HTR2C: variants seen among roughly 807,000 people sequenced by gnomAD.
HTR2C encodes the protein 5-hydroxytryptamine receptor 2C.
Under a neutral mutation model 21.0 loss-of-function variants are expected in HTR2C, and 5 were observed. That is an observed-to-expected ratio of 0.24 (90% confidence interval 0.12 to 0.50). The LOEUF (loss-of-function observed/expected upper bound fraction) is 0.50, where lower values mean the gene tolerates loss of function less well. Ranked by LOEUF, HTR2C falls within the 20% of genes least tolerant of loss-of-function variation. HTR2C has a pLI of 0.98. For missense variants in HTR2C, 271 were observed against 371.2 expected, an observed-to-expected ratio of 0.73 and a Z score of 2.22; for synonymous variants, 150 against 145.3, an observed-to-expected ratio of 1.03 and a Z score of -0.23.
chrX:114,622,494 C>T (rs782107087), intron 2 of HTR2C, among the ~76,000 whole-genome samples: 4 of 111,623 alleles, frequency 3.6e-5, no homozygotes, highest in Non-Finnish European at 7.5e-5. Context: ...TTTCCCATCT[C>T]GTTCTCACCC....
chrX:114,779,739 T>C (rs1308553705), intron 4 of HTR2C, among the ~76,000 whole-genome samples: 1 of 112,197 alleles, frequency 8.9e-6, no homozygotes, highest in Non-Finnish European at 1.9e-5. Flanking sequence ...CTCAGATTCT[T>C]GTTATCTTTT....
In HTR2C at chrX:114,731,385, G is replaced by T. The variant is rs781924099; in HGVS notation, c.127G>T (p.Gly43Cys). 8.3e-7 allele frequency: 1 copy of T among 1,205,647 alleles called. No individual in the cohort carries two copies. The highest frequency in any genetic ancestry group is 1.1e-6 in the Non-Finnish European group (1 of 890,496). Residue 43 changes from glycine (G) to cysteine (C), a missense_variant, in exon 4 of 6, where the codon GGT (glycine) becomes TGT (cysteine). This residue lies in a region of HTR2C where 57 missense variants were observed against 64.0 expected (regional missense o/e 0.89). Coordinates refer to ENST00000276198, the MANE Select transcript of HTR2C (RefSeq NM_000868.4). ...AACTGACATTTTCAATACCTCCGAT[G>T]GTGGACGCTTCAAATTCCCAGACGG... is the stretch of plus-strand genomic sequence containing the variant. ...IVTDIFNTSD[G>C]GRFKFPDGVQ...
chrX:114,692,498 T>C (rs1309033655), intron 2 of HTR2C, among the ~76,000 whole-genome samples: 27 of 111,829 alleles, frequency 2.4e-4, no homozygotes, highest in Non-Finnish European at 4.1e-4. Flanking sequence ...ATCTTTTTTA[T>C]GTATACATTT....
chrX:114,701,569 C>T (rs1357638599), intron 2 of HTR2C, among the ~76,000 whole-genome samples: 1 of 111,005 alleles, frequency 9.0e-6, no homozygotes, highest in Non-Finnish European at 1.9e-5. Flanking sequence ...TGTACATCAC[C>T]ATCATCAAAG....
chrX:114,775,770 C>T, intron 4 of HTR2C: 1 of 449,367 alleles, frequency 2.2e-6, no homozygotes, highest in South Asian at 3.3e-5. Context: ...GTATAACCAC[C>T]AATAGAGACA....
intron 2 of HTR2C, among the ~76,000 whole-genome samples, chrX:114,615,654 T>C (rs782588312): frequency 2.7e-5 from 3 of 111,992 alleles, no homozygotes; most frequent in Admixed American, 9.5e-5. Context: ...CTTACTAGAA[T>C]GTGAAGTTCG....
chrX:114,744,797 C>A (rs782578884), intron 4 of HTR2C, among the ~76,000 whole-genome samples: 45 of 111,483 alleles, frequency 4.0e-4, no homozygotes, highest in Admixed American at 3.9e-3. Context: ...TGACAAACTG[C>A]CAGGAAGACA....
Position 114,805,753 on chromosome X carries a change from C to CA in HTR2C, c.350-42250_350-42249insA, listed in dbSNP as rs1569495573. Reference sequence around the variant, plus strand: ...CACCATATATACACCATATATACACCTATATATACACCATATCTATACCAT... The same window carrying CA: ...CACCATATATACACCATATATACACCATATATATACACCATATCTATACCAT... On this transcript the variant is annotated intron_variant, in intron 4 of 5. Coordinates refer to ENST00000276198, the MANE Select transcript of HTR2C (RefSeq NM_000868.4). 5.0e-4 allele frequency among the ~76,000 whole-genome samples: 37 copies of CA among 74,155 alleles called. 9 individuals are homozygous for CA. Among genetic ancestry groups the CA allele is most frequent in the African/African-American group, 1.8e-3 (35 of 19,120 alleles). 64.4% of individuals were successfully genotyped at this position (74,155 alleles called of 115,157 possible). A position where few individuals can be genotyped will look rare whatever the true frequency, so the allele number is the denominator to read the frequency against.
chrX:114,777,554 G>A (rs2147396738), intron 4 of HTR2C, among the ~76,000 whole-genome samples: 1 of 111,475 alleles, frequency 9.0e-6, no homozygotes, highest in East Asian at 2.8e-4. Flanking sequence ...ATTTTCTATT[G>A]GTATTTATTT....
At chrX:114,604,784 G>T (rs1928328263) in intron 1 of HTR2C, among the ~76,000 whole-genome samples, 1 of 111,423 alleles carries the variant, frequency 9.0e-6, no homozygotes, top group Admixed American at 9.5e-5. Flanking sequence ...GTGGGAGGAG[G>T]TTCTGGAGGA....
At chrX:114,729,077 A>G (rs1223890905) in intron 3 of HTR2C, among the ~76,000 whole-genome samples, 1 of 112,159 alleles carries the variant, frequency 8.9e-6, no homozygotes, top group Non-Finnish European at 1.9e-5. Context: ...CCAGCAGGAC[A>G]AGTTTTTTAT....
At chrX:114,608,044 T>A (rs1556397585) in intron 1 of HTR2C, among the ~76,000 whole-genome samples, 1 of 111,711 alleles carries the variant, frequency 9.0e-6, no homozygotes, top group African/African-American at 3.3e-5. Flanking sequence ...TTTACACTTT[T>A]ATTATGTAAA....
intron 2 of HTR2C, among the ~76,000 whole-genome samples, chrX:114,718,940 A>G (rs1289133724): frequency 2.0e-5 from 2 of 99,009 alleles, no homozygotes; most frequent in South Asian, 4.0e-4. Context: ...ATATAATATA[A>G]TATAAATTAT....
intron 1 of HTR2C, among the ~76,000 whole-genome samples, chrX:114,586,574 C>CG (rs1334487659): frequency 9.0e-6 from 1 of 110,860 alleles, no homozygotes; most frequent in African/African-American, 3.3e-5. Context: ...GCAAAAATGA[C>CG]GGTGTTTTTC....
At chrX:114,821,711 A>G (rs1231216092) in intron 4 of HTR2C, among the ~76,000 whole-genome samples, 1 of 111,251 alleles carries the variant, frequency 9.0e-6, no homozygotes, top group Non-Finnish European at 1.9e-5. Context: ...GAAGATTACT[A>G]TAAAAAGCAG....
At chrX:114,708,248 A>G (rs782242696) in intron 2 of HTR2C, among the ~76,000 whole-genome samples, 2 of 111,450 alleles carry the variant, frequency 1.8e-5, no homozygotes, top group Non-Finnish European at 3.8e-5. Context: ...TTTAAGAGCA[A>G]TTTCACATAC....
At chrX:114,668,601 A>T (rs1371707017) in intron 2 of HTR2C, among the ~76,000 whole-genome samples, 34 of 111,572 alleles carry the variant, frequency 3.0e-4, no homozygotes, top group African/African-American at 1.1e-3. Context: ...TAGGTATTAC[A>T]GTATGTGCCC....
chrX:114,898,977 G>A (rs782620912), intron 5 of HTR2C, among the ~76,000 whole-genome samples: 35 of 111,805 alleles, frequency 3.1e-4, no homozygotes, highest in Non-Finnish European at 3.8e-5. Context: ...ATAACTTTGG[G>A]CAGTTATGAG....
At chrX:114,624,637 TC>T (rs1422535543) in intron 2 of HTR2C, among the ~76,000 whole-genome samples, 1 of 111,618 alleles carries the variant, frequency 9.0e-6, no homozygotes, top group Non-Finnish European at 1.9e-5. Flanking sequence ...TACAACCTGA[TC>T]TTTATGTTAT....
Sources: gnomAD v4.1 joint callset for allele counts (sites outside exome capture counted in the v4.1 genomes callset) on GRCh38, gnomAD v4.1.1 for gene constraint, gnomAD v4.1.1 regional missense constraint, MANE v1.5 for transcripts, NCBI Gene and HGNC (gene_info 2026-07-23, HGNC 2026-07-21) for gene names.